ZBTB20: variants seen among roughly 807,000 people sequenced by gnomAD.
The protein encoded by ZBTB20 is zinc finger and BTB domain containing 20, also known as zinc finger and BTB domain-containing protein 20.
In ZBTB20, 9 loss-of-function variants were observed where a neutral mutation model predicts 56.9. That is an observed-to-expected ratio of 0.16 (90% CI 0.10 to 0.28). The LOEUF (loss-of-function observed/expected upper bound fraction) is 0.28. ZBTB20 is among the 10% of genes least tolerant of loss of function. ZBTB20 has a pLI of 1.00. For missense variants in ZBTB20, 655 were observed against 1,003.0 expected, an observed-to-expected ratio of 0.65 and a Z score of 4.69; for synonymous variants, 417 against 420.7, an observed-to-expected ratio of 0.99 and a Z score of 0.11.
Position 115,118,703 on chromosome 3 carries a change from A to ATTTTT in ZBTB20, c.-703+28511_-703+28515dup, listed in dbSNP as rs35607205. On this transcript the variant is annotated intron_variant, in intron 1 of 11. Coordinates refer to ENST00000675478, the MANE Select transcript of ZBTB20 (RefSeq NM_001348800.3). The stretch of plus-strand genomic sequence containing the variant: ...GGACCTAAAACTTTACCTGGTACAA[A>ATTTTT]TTTTTTTTTTTTTTTTTTTTTTTTT... Among the ~76,000 whole-genome samples the ATTTTT allele has an allele frequency of 9.5e-3, 779 of 82,234 alleles. 65 individuals are homozygous for ATTTTT. Among genetic ancestry groups the ATTTTT allele is most frequent in the African/African-American group, 0.029 (595 of 20,338 alleles). The allele number at this position is 82,234 out of a possible 152,430, so 53.9% of individuals were successfully genotyped here. A position where few individuals can be genotyped will look rare whatever the true frequency, so the allele number is the denominator to read the frequency against.
chr3:114,843,551 T>C (rs2074491131), intron 4 of ZBTB20, among the ~76,000 whole-genome samples: 1 of 152,208 alleles, frequency 6.6e-6, no homozygotes, highest in Non-Finnish European at 1.5e-5. Context: ...ACATATATTT[T>C]ACAGATGGTG....
At chr3:114,522,812 G>C (rs1221771438) in intron 6 of ZBTB20, among the ~76,000 whole-genome samples, 2 of 152,134 alleles carry the variant, frequency 1.3e-5, no homozygotes, top group Admixed American at 1.3e-4. Context: ...ACCAATATTG[G>C]GGAGGCTATG....
At chr3:114,618,658 C>T (rs1467464499) in intron 6 of ZBTB20, among the ~76,000 whole-genome samples, 1 of 152,162 alleles carries the variant, frequency 6.6e-6, no homozygotes, top group Non-Finnish European at 1.5e-5. Flanking sequence ...GTGTACAGTA[C>T]AGTCTGTGTA....
At chr3:114,544,315 C>T (rs1559937181) in intron 6 of ZBTB20, among the ~76,000 whole-genome samples, 1 of 151,940 alleles carries the variant, frequency 6.6e-6, no homozygotes, top group Non-Finnish European at 1.5e-5. Flanking sequence ...AATAAAAATA[C>T]AATGATTTGA....
At chr3:114,834,755 T>C (rs2074035317) in intron 4 of ZBTB20, among the ~76,000 whole-genome samples, 1 of 152,048 alleles carries the variant, frequency 6.6e-6, no homozygotes, top group Non-Finnish European at 1.5e-5. Context: ...GACCCGCCCA[T>C]GGCAAGAGTC....
chr3:114,742,718 G>GT (rs1253612461), intron 5 of ZBTB20, among the ~76,000 whole-genome samples: 2 of 152,112 alleles, frequency 1.3e-5, no homozygotes, highest in Non-Finnish European at 2.9e-5. Flanking sequence ...TAGGCCAGTG[G>GT]TTTTTTAACC....
chr3:115,068,913 T>C (rs1272527074), intron 2 of ZBTB20, among the ~76,000 whole-genome samples: 1 of 151,996 alleles, frequency 6.6e-6, no homozygotes, highest in Non-Finnish European at 1.5e-5. Flanking sequence ...TGATAGTGCA[T>C]TCATTCTTAT....
intron 7 of ZBTB20, among the ~76,000 whole-genome samples, chr3:114,418,784 A>C (rs2108809103): frequency 6.6e-6 from 1 of 152,198 alleles, no homozygotes; most frequent in East Asian, 1.9e-4. Context: ...GCAACACTGT[A>C]ATGGGAATTT....
intron 6 of ZBTB20, among the ~76,000 whole-genome samples, chr3:114,516,751 G>A (rs1035080183): frequency 2.0e-5 from 3 of 152,116 alleles, no homozygotes; most frequent in South Asian, 4.1e-4. Context: ...TGACGATGAC[G>A]GCAGAGATTG....
At chr3:114,906,547 G>A (rs990037509) in intron 3 of ZBTB20, among the ~76,000 whole-genome samples, 1 of 150,980 alleles carries the variant, frequency 6.6e-6, no homozygotes, top group Admixed American at 6.6e-5. Context: ...TATTTAAAAT[G>A]AGGGGGATTT....
intron 5 of ZBTB20, among the ~76,000 whole-genome samples, chr3:114,741,898 A>G (rs2066623947): frequency 6.6e-6 from 1 of 151,922 alleles, no homozygotes; most frequent in Non-Finnish European, 1.5e-5. Flanking sequence ...AAAGAAAAGA[A>G]AAAAAGACAT....
intron 4 of ZBTB20, among the ~76,000 whole-genome samples, chr3:114,855,942 C>A (rs2107453885): frequency 6.6e-6 from 1 of 152,226 alleles, no homozygotes; most frequent in Non-Finnish European, 1.5e-5. Context: ...AGTAAATAAC[C>A]CAAACTTAAC....
intron 7 of ZBTB20, among the ~76,000 whole-genome samples, chr3:114,428,696 G>A (rs553664664): frequency 6.6e-6 from 1 of 152,192 alleles, no homozygotes; most frequent in Non-Finnish European, 1.5e-5. Context: ...AATTTCATTT[G>A]TGATTCTTGC....
At chr3:114,355,341 T>C (rs1163432813) in intron 10 of ZBTB20, among the ~76,000 whole-genome samples, 1 of 152,056 alleles carries the variant, frequency 6.6e-6, no homozygotes, top group Non-Finnish European at 1.5e-5. Flanking sequence ...CCTGCACACG[T>C]ACACAACCTG....
At chr3:114,477,044 T>C (rs1354492557) in intron 7 of ZBTB20, among the ~76,000 whole-genome samples, 1 of 152,198 alleles carries the variant, frequency 6.6e-6, no homozygotes, top group Non-Finnish European at 1.5e-5. Flanking sequence ...CCTTCCACAG[T>C]ACCTAGAACA....
intron 6 of ZBTB20, among the ~76,000 whole-genome samples, chr3:114,669,297 G>A (rs1030849954): frequency 2.0e-5 from 3 of 152,010 alleles, no homozygotes; most frequent in African/African-American, 7.2e-5. Flanking sequence ...AGAGCCACTG[G>A]CCTTAAACCA....
In ZBTB20 at chr3:114,579,891, T is replaced by C. The variant is rs551056386; in HGVS notation, c.-294-79500A>G. 3.4e-4 allele frequency among the ~76,000 whole-genome samples: 52 copies of C among 151,876 alleles called. 1 individual carries two copies. Among genetic ancestry groups the C allele is most frequent in the Admixed American group, 3.3e-3 (51 of 15,276 alleles). ...TTCCTCTGTGGTTATTGGTTTATTCTGATATTCAAGTCTGCCTACCTACAA... is the reference window on the plus strand; with the variant it reads ...TTCCTCTGTGGTTATTGGTTTATTCCGATATTCAAGTCTGCCTACCTACAA... On this transcript the variant is annotated intron_variant, in intron 6 of 11. Transcript: ENST00000675478.
At chr3:114,521,360 T>C (rs938571061) in intron 6 of ZBTB20, among the ~76,000 whole-genome samples, 2 of 152,178 alleles carry the variant, frequency 1.3e-5, no homozygotes, top group African/African-American at 4.8e-5. Context: ...TTTACGTCTA[T>C]ACCCTACAAA....
chr3:114,998,073 A>C (rs1358453917), intron 2 of ZBTB20, among the ~76,000 whole-genome samples: 3 of 151,778 alleles, frequency 2.0e-5, no homozygotes, highest in East Asian at 1.9e-4. Flanking sequence ...CAAGCAAATT[A>C]ACTTCTTTTT....
Sources: allele counts gnomAD v4.1 joint callset (sites outside exome capture counted in the v4.1 genomes callset), GRCh38; gene constraint gnomAD v4.1.1; transcripts MANE v1.5; gene names NCBI Gene and HGNC (gene_info 2026-07-23, HGNC 2026-07-21).